LY75: variants seen among roughly 807,000 people sequenced by gnomAD.
LY75 encodes C-type lectin domain family 13 member B.
LY75 carries 185 observed loss-of-function variants against 231.7 expected under a neutral mutation model. The observed-to-expected ratio is 0.80, with a 90% confidence interval of 0.71 to 0.90. The LOEUF is 0.90. Ranked by LOEUF, LY75 falls within the 40% of genes least tolerant of loss-of-function variation. The pLI, the probability that LY75 is intolerant of heterozygous loss-of-function variation, is 0.00. For synonymous variants in LY75, 668 were observed against 689.0 expected (o/e 0.97, Z 0.48); for missense variants, 1,947 against 2,050.2 (o/e 0.95, Z 0.97).
At chr2:159,840,193 T>C (rs1683973912) in intron 25 of LY75, among the ~76,000 whole-genome samples, 1 of 151,948 alleles carries the variant, frequency 6.6e-6, no homozygotes, top group Non-Finnish European at 1.5e-5. Context: ...CTCAAATATA[T>C]ATATATCTCC....
chr2:159,816,874 G>A lies in LY75; in HGVS notation c.4312C>T (p.Gln1438Ter), dbSNP rs1045629396. The A allele has an allele frequency of 6.2e-7, 1 of 1,614,142 alleles. No individual in the cohort carries two copies. The highest frequency in any genetic ancestry group is 1.3e-5 in the African/African-American group (1 of 75,038). The part of the protein sequence containing the change: ...HLASVHNQNG[Q>*]LFLEDIVKRD... ...TTTACAATATCTTCCAGAAAGAGCT[G>A]GCCATTTTGGTTGTGAACGCTTGCC... The change falls in exon 30 of 35, where the codon CAG (glutamine) becomes TAG (stop). Residue 1438 changes from glutamine to a stop codon, truncating the protein, a stop_gained. Coordinates refer to ENST00000263636, the MANE Select transcript of LY75 (RefSeq NM_002349.4). LOFTEE classifies it high-confidence loss of function.
intron 27 of LY75, 47 bp downstream of exon 27, chr2:159,833,997 G>A (rs187884190): frequency 2.5e-6 from 4 of 1,572,486 alleles, no homozygotes. Flanking sequence ...ACCTAGCCTC[G>A]GGTATGTCCT....
intron 1 of LY75, chr2:159,902,473 C>A (rs1686109262): frequency 6.6e-6 from 1 of 152,086 alleles, no homozygotes; most frequent in Non-Finnish European, 1.5e-5. Context: ...GCCTTTGGTC[C>A]CTAGACCAAA....
intron 23 of LY75, among the ~76,000 whole-genome samples, chr2:159,845,881 T>C (rs1241609143): frequency 2.0e-5 from 3 of 148,364 alleles, no homozygotes; most frequent in Admixed American, 6.7e-5. Context: ...TATATATATA[T>C]ACACATACAC....
intron 30 of LY75, 160 bp from the exon 31 acceptor site, chr2:159,815,733 C>T: frequency 2.2e-6 from 1 of 444,964 alleles, no homozygotes; most frequent in Non-Finnish European, 3.0e-6. Context: ...GTCTGATTTA[C>T]TTCTGATGCA....
chr2:159,852,229 G>A lies in LY75; in HGVS notation c.2855C>T (p.Ser952Phe). 1.2e-6 allele frequency: 2 copies of A among 1,613,916 alleles called. No individual in the cohort carries two copies. Among genetic ancestry groups the A allele is most frequent in the South Asian group, 1.1e-5 (1 of 91,050 alleles). The change falls in exon 21 of 35, where the codon TCT becomes TTT. Residue 952 changes from serine (S) to phenylalanine (F), a missense_variant. Coordinates refer to ENST00000263636, the MANE Select transcript of LY75 (RefSeq NM_002349.4). ...SPDSAAKVQC[S>F]EQWIPFQNKC... The stretch of plus-strand genomic sequence containing the variant: ...ATTCTGAAAAGGAATCCATTGCTCA[G>A]AACATTGCACTTTAGCTGCAGAATC...
rs773926923 is a variant in LY75, at chr2:159,854,439, T to C, written c.2516A>G (p.Tyr839Cys). 3 of 1,613,600 alleles carry C rather than the reference T, an allele frequency of 1.9e-6. No homozygotes were observed. In the South Asian group the frequency reaches 3.3e-5, roughly 18 times the overall value. The change falls in exon 18 of 35, where the codon TAC becomes TGC. Residue 839 changes from tyrosine to cysteine, a missense_variant. Physicochemically the swap from Tyr to Cys is radical, Grantham distance 194. Transcript: ENST00000263636. ...AAGAAAGCTGTGATTGCTGGCACAG[T>C]ACAGGACGGCTTCTTCATAGTTTAG... ...LHLNYEEAVL[Y>C]CASNHSFLAT...
intron 26 of LY75, 41 bp from the exon 27 acceptor site, chr2:159,834,252 T>A (rs147863541): frequency 3.7e-6 from 6 of 1,608,118 alleles, no homozygotes; most frequent in Non-Finnish European, 5.1e-6. Flanking sequence ...ATTTGAGATA[T>A]AAATGTTAAA....
chr2:159,874,050 T>C (rs1390805957), intron 12 of LY75, among the ~76,000 whole-genome samples: 2 of 128,036 alleles, frequency 1.6e-5, no homozygotes, highest in Non-Finnish European at 3.2e-5. Flanking sequence ...TAAAAATACA[T>C]ATAAACGTAT....
intron 11 of LY75, among the ~76,000 whole-genome samples, chr2:159,877,865 T>A (rs2125873564): frequency 6.6e-6 from 1 of 152,146 alleles, no homozygotes; most frequent in East Asian, 1.9e-4. Flanking sequence ...TGAGACCCCA[T>A]CTCAAAACAA....
chr2:159,851,075 AT>A (rs1684388568), intron 21 of LY75, among the ~76,000 whole-genome samples: 1 of 151,810 alleles, frequency 6.6e-6, no homozygotes, highest in Non-Finnish European at 1.5e-5. Flanking sequence ...CTTAATCATC[AT>A]CTCCTTATGT....
rs1265006058 is a variant in LY75, at chr2:159,846,150, A to G, written c.3151-3776T>C. Among the ~76,000 whole-genome samples, 7 of 152,070 alleles carry G rather than the reference A, an allele frequency of 4.6e-5. No individual in the cohort carries two copies. The East Asian group carries it at 1.2e-3, about 25-fold the overall frequency. On this transcript the variant is annotated intron_variant, in intron 23 of 34. Transcript: ENST00000263636. ...CTAGAACAAGTGGCTAGGATTAGGG[A>G]AAATAATTAAGCATGCACTGACAAC...
At chr2:159,818,347 G>C (rs1436954380) in intron 29 of LY75, among the ~76,000 whole-genome samples, 2 of 152,206 alleles carry the variant, frequency 1.3e-5, no homozygotes, top group Non-Finnish European at 2.9e-5. Context: ...TGTGAAGTGA[G>C]AATGCTCCCT....
At chr2:159,847,475 GGCGTGAGCCACCAT>G (rs1684238502) in intron 23 of LY75, among the ~76,000 whole-genome samples, 2 of 152,256 alleles carry the variant, frequency 1.3e-5, no homozygotes, top group East Asian at 3.9e-4. Flanking sequence ...TGGGATTACA[GGCGTGAGCCACCAT>G]GCCCACCCAG....
chr2:159,881,303 T>G (rs936696364), intron 7 of LY75, 63 bp from the exon 8 acceptor site: 1 of 1,494,014 alleles, frequency 6.7e-7, no homozygotes, highest in Non-Finnish European at 8.9e-7. Context: ...ATGTACATTG[T>G]TATACAAATT....
Position 159,820,082 on chromosome 2 carries a change from G to A in LY75, c.3959-162C>T, listed in dbSNP as rs114594839. On this transcript the variant is annotated intron_variant, in intron 28 of 34. Transcript: ENST00000263636. ...TTTAAGATATTTTCTGATTATAACAGTAAATCATGCTCATTTTTAATTTGA... is the reference window on the plus strand; with the variant it reads ...TTTAAGATATTTTCTGATTATAACAATAAATCATGCTCATTTTTAATTTGA... 1,157 of 289,878 alleles carry A rather than the reference G, an allele frequency of 4.0e-3. 15 individuals are homozygous for A. Among genetic ancestry groups the A allele is most frequent in the African/African-American group, 0.025 (1,089 of 43,886 alleles). 18.0% of individuals were successfully genotyped at this position (289,878 alleles called of 1,614,324 possible). A position where few individuals can be genotyped will look rare whatever the true frequency, so the allele number is the denominator to read the frequency against.
chr2:159,867,682 C>T (rs1399519778), intron 13 of LY75, among the ~76,000 whole-genome samples: 3 of 152,160 alleles, frequency 2.0e-5, no homozygotes, highest in Non-Finnish European at 4.4e-5. Context: ...GATGAGGGTG[C>T]TTATTCTACA....
At chr2:159,872,271 C>G (rs1401553651) in intron 13 of LY75, 180 bp downstream of exon 13, 1 of 677,538 alleles carries the variant, frequency 1.5e-6, no homozygotes, top group African/African-American at 1.8e-5. Context: ...TTAGATTCCT[C>G]ATAGTGTCTG....
chr2:159,881,942 T>C (rs1241047579), intron 7 of LY75, among the ~76,000 whole-genome samples, 182 bp downstream of exon 7: 1 of 152,172 alleles, frequency 6.6e-6, no homozygotes, highest in Non-Finnish European at 1.5e-5. Context: ...AGAAGCTGCA[T>C]GTTGCTAGTG....
Sources: gnomAD v4.1 joint callset for allele counts (sites outside exome capture counted in the v4.1 genomes callset) on GRCh38, gnomAD v4.1.1 for gene constraint, MANE v1.5 for transcripts, NCBI Gene and HGNC (gene_info 2026-07-23, HGNC 2026-07-21) for gene names.